NDNF: variants seen among roughly 807,000 people sequenced by gnomAD.
The protein encoded by NDNF is protein NDNF.
In NDNF, 16 loss-of-function variants were observed where a neutral mutation model predicts 42.0. That is an observed-to-expected ratio of 0.38 (90% CI 0.26 to 0.58). NDNF has a LOEUF of 0.58. NDNF is among the 20% of genes least tolerant of loss of function. The probability of loss-of-function intolerance (pLI) is 0.67; values close to 1 mark genes in which losing one functional copy is unlikely to be tolerated. For missense variants in NDNF, 616 were observed against 666.2 expected (o/e 0.92, Z 0.83); for synonymous variants, 248 against 251.7 (o/e 0.99, Z 0.14).
chr4:121,060,472 T>G (rs1259070483), intron 1 of NDNF, among the ~76,000 whole-genome samples: 1 of 152,050 alleles, frequency 6.6e-6, no homozygotes, highest in African/African-American at 2.4e-5. Flanking sequence ...TGAGCCACCG[T>G]GCCCAGCTTA....
intron 1 of NDNF, among the ~76,000 whole-genome samples, chr4:121,049,538 C>T (rs1727153989): frequency 6.6e-6 from 1 of 152,068 alleles, no homozygotes; most frequent in Non-Finnish European, 1.5e-5. Flanking sequence ...TGTCTCTGAC[C>T]CAGGAGTATC....
At chr4:121,055,532 G>A (rs1727278634) in intron 1 of NDNF, among the ~76,000 whole-genome samples, 1 of 151,240 alleles carries the variant, frequency 6.6e-6, no homozygotes, top group South Asian at 2.1e-4. Flanking sequence ...GAATTTTCAG[G>A]TGGCATCAAA....
At chr4:121,044,920 C>T (rs777677250) in intron 2 of NDNF, among the ~76,000 whole-genome samples, 2 of 152,184 alleles carry the variant, frequency 1.3e-5, no homozygotes, top group Non-Finnish European at 2.9e-5. Flanking sequence ...GAGCCATGAC[C>T]GTGCTACTGC....
At chr4:121,042,364 TC>T (rs1437342980) in intron 2 of NDNF, among the ~76,000 whole-genome samples, 1 of 152,044 alleles carries the variant, frequency 6.6e-6, no homozygotes, top group East Asian at 1.9e-4. Flanking sequence ...TACAAGTACT[TC>T]CCCCAGCCAC....
intron 1 of NDNF, among the ~76,000 whole-genome samples, chr4:121,051,750 G>A (rs963505918): frequency 6.6e-6 from 1 of 152,118 alleles, no homozygotes; most frequent in Non-Finnish European, 1.5e-5. Flanking sequence ...TATGAACAGT[G>A]ATAAGAAATA....
chr4:121,061,536 CTT>C (rs1276212813), intron 1 of NDNF: 4 of 152,202 alleles, frequency 2.6e-5, no homozygotes, highest in African/African-American at 4.8e-5. Flanking sequence ...TTCTCTGTCT[CTT>C]CTCTCCTAGC....
At chr4:121,071,661 T>C (rs1188868457) in intron 1 of NDNF, 1 of 152,384 alleles carries the variant, frequency 6.6e-6, no homozygotes, top group African/African-American at 2.4e-5. Flanking sequence ...GGGTCCCAGG[T>C]CTTCCCCGCC....
intron 1 of NDNF, among the ~76,000 whole-genome samples, chr4:121,052,888 G>A (rs897235401): frequency 5.3e-5 from 8 of 152,118 alleles, no homozygotes; most frequent in African/African-American, 1.9e-4. Flanking sequence ...AGCATATTAT[G>A]GGCTGACATT....
chr4:121,062,657 C>T (rs567790564), intron 1 of NDNF, among the ~76,000 whole-genome samples: 2 of 152,236 alleles, frequency 1.3e-5, no homozygotes, highest in East Asian at 1.9e-4. Context: ...ATCCTTTCCC[C>T]CCCAAGGAAG....
At chr4:121,045,890 C>A in intron 1 of NDNF, 52 bp from the exon 2 acceptor site, 2 of 1,551,928 alleles carry the variant, frequency 1.3e-6, no homozygotes, top group South Asian at 1.2e-5. Context: ...GACACTCAGG[C>A]AAGTCACAGA....
rs932194697 is a variant in NDNF at position 121,039,352 on chromosome 4, CTTTTA to C, written c.313+573_313+577del. Among the ~76,000 whole-genome samples the C allele has an allele frequency of 1.8e-4, 27 of 151,102 alleles. 1 individual carries two copies. The highest frequency in any genetic ancestry group is 8.6e-4 in the Admixed American group (13 of 15,140). On this transcript the variant is annotated intron_variant, in intron 3 of 3. Coordinates refer to ENST00000379692, the MANE Select transcript of NDNF (RefSeq NM_024574.4). The stretch of plus-strand genomic sequence containing the variant: ...TGCCATACAAACTCTTCTCATTTCT[CTTTTA>C]TTTTATTTGCTCTCTATCATCTGTC...
chr4:121,035,994 A>G lies in NDNF; in HGVS notation c.*270T>C. Reference sequence around the variant, plus strand: ...TTTAGAAGCAGTTCATGCAGTGGTCAAAGCAAGGAATGGCAAGTTCCTTCA... The same window carrying G: ...TTTAGAAGCAGTTCATGCAGTGGTCGAAGCAAGGAATGGCAAGTTCCTTCA... On this transcript the variant is annotated 3_prime_UTR_variant, in exon 4 of 4. Transcript: ENST00000379692. 2.6e-6 allele frequency: 1 copy of G among 378,420 alleles called. No homozygotes were observed. The highest frequency in any genetic ancestry group is 4.7e-6 in the Non-Finnish European group (1 of 212,470). The allele number at this position is 378,420 out of a possible 1,614,324, so 23.4% of individuals were successfully genotyped here.
intron 1 of NDNF, 23 bp from the exon 2 acceptor site, chr4:121,045,861 T>C (rs764891905): frequency 1.2e-6 from 2 of 1,605,256 alleles, no homozygotes; most frequent in Non-Finnish European, 8.5e-7. Context: ...AAATGACTAC[T>C]TTATTAGTTC....
At chr4:121,070,280 C>A (rs980569308) in intron 1 of NDNF, among the ~76,000 whole-genome samples, 1 of 152,178 alleles carries the variant, frequency 6.6e-6, no homozygotes, top group African/African-American at 2.4e-5. Flanking sequence ...TATACATATT[C>A]CCTCTCGGAT....
At chr4:121,038,845 G>A (rs1321810335) in intron 3 of NDNF, 2 of 151,524 alleles carry the variant, frequency 1.3e-5, no homozygotes, top group East Asian at 1.9e-4. Context: ...AAATTAGCTG[G>A]GCGTAGTGGC....
At chr4:121,039,218 A>AAAGACTATG (rs368947540) in intron 3 of NDNF, among the ~76,000 whole-genome samples, 1 of 41,414 alleles carries the variant, frequency 2.4e-5, no homozygotes, top group East Asian at 1.7e-3. Flanking sequence ...ATATATATAT[A>AAAGACTATG]TATATATATA....
rs999356853 is a variant in NDNF, at chr4:121,036,568, G to A, written c.1403C>T (p.Ala468Val). The A allele has an allele frequency of 6.2e-7, 1 of 1,614,104 alleles. No homozygotes were observed. Among genetic ancestry groups the A allele is most frequent in the Non-Finnish European group, 8.5e-7 (1 of 1,179,994 alleles). ...KLRTCSSATV[A>V]WLGTQERNKF... ...GTTCCTTTCCTGAGTGCCTAGCCAA[G>A]CCACGGTGGCTGAGGAACAGGTACG... Residue 468 changes from alanine (A) to valine (V), a missense_variant, in exon 4 of 4, where the codon GCT (alanine) becomes GTT (valine). Physicochemically the swap from Ala to Val is moderately conservative, Grantham distance 64. Coordinates refer to ENST00000379692, the MANE Select transcript of NDNF (RefSeq NM_024574.4).
intron 2 of NDNF, 74 bp from the exon 3 acceptor site, chr4:121,040,128 C>A: frequency 7.2e-7 from 1 of 1,387,160 alleles, no homozygotes; most frequent in Non-Finnish European, 9.7e-7. Context: ...CCAGAAAAAT[C>A]ATTTGGTTTT....
chr4:121,062,511 C>G (rs915724092), intron 1 of NDNF, among the ~76,000 whole-genome samples: 1 of 152,178 alleles, frequency 6.6e-6, no homozygotes, highest in Admixed American at 6.5e-5. Flanking sequence ...ACAACACAGA[C>G]AGATCCCACA....
Sources: gnomAD v4.1 joint callset for allele counts (sites outside exome capture counted in the v4.1 genomes callset) on GRCh38, gnomAD v4.1.1 for gene constraint, MANE v1.5 for transcripts, NCBI Gene and HGNC (gene_info 2026-07-23, HGNC 2026-07-21) for gene names.